The following LSAMP variants were observed in gnomAD, a reference collection of about 807,000 sequenced individuals.
The protein encoded by LSAMP is limbic system associated membrane protein.
LSAMP carries 7 observed loss-of-function variants against 38.6 expected under a neutral mutation model. The ratio of observed to expected loss-of-function variants is 0.18; its 90% CI spans 0.10 to 0.34. The LOEUF (loss-of-function observed/expected upper bound fraction) is 0.34. Ranked by LOEUF, LSAMP falls within the 10% of genes least tolerant of loss-of-function variation. The pLI, the probability that LSAMP is intolerant of heterozygous loss-of-function variation, is 1.00. For missense variants in LSAMP, 313 were observed against 420.0 expected, an observed-to-expected ratio of 0.75 and a Z score of 2.23; for synonymous variants, 154 against 166.8, an observed-to-expected ratio of 0.92 and a Z score of 0.59.
intron 1 of LSAMP, among the ~76,000 whole-genome samples, chr3:116,368,586 T>G (rs2107788373): frequency 6.6e-6 from 1 of 152,326 alleles, no homozygotes; most frequent in Middle Eastern, 3.4e-3. Flanking sequence ...TTGCTCTGAA[T>G]CTACTTCGTA....
intron 1 of LSAMP, among the ~76,000 whole-genome samples, chr3:116,154,654 A>G (rs927801528): frequency 2.0e-5 from 3 of 152,016 alleles, no homozygotes; most frequent in Non-Finnish European, 2.9e-5. Context: ...CAGCTTTTCA[A>G]GCACACCTTG....
chr3:116,064,778 G>T (rs1402636300), intron 2 of LSAMP, among the ~76,000 whole-genome samples: 5 of 152,028 alleles, frequency 3.3e-5, no homozygotes, highest in African/African-American at 4.8e-5. Context: ...ATTCTTTATA[G>T]AAAAGGAAAC....
At chr3:116,428,171 T>C (rs768116340) in intron 1 of LSAMP, among the ~76,000 whole-genome samples, 8 of 152,204 alleles carry the variant, frequency 5.3e-5, no homozygotes, top group Non-Finnish European at 1.0e-4. Context: ...TATCATTACC[T>C]GGTCTAGAAT....
At chr3:116,151,838 C>CA in intron 1 of LSAMP, among the ~76,000 whole-genome samples, 1 of 152,056 alleles carries the variant, frequency 6.6e-6, no homozygotes, top group Non-Finnish European at 1.5e-5. Flanking sequence ...ACTTGCTTCT[C>CA]AATACACGAA....
intron 3 of LSAMP, among the ~76,000 whole-genome samples, chr3:115,938,684 C>A (rs1157486960): frequency 6.6e-6 from 1 of 152,068 alleles, no homozygotes; most frequent in African/African-American, 2.4e-5. Flanking sequence ...GCATAATGCA[C>A]ACAAATTAAA....
At chr3:116,209,794 C>T (rs1701386504) in intron 1 of LSAMP, among the ~76,000 whole-genome samples, 1 of 152,100 alleles carries the variant, frequency 6.6e-6, no homozygotes, top group Non-Finnish European at 1.5e-5. Context: ...CTCTGTCCCC[C>T]AGGCTGGAGC....
At chr3:116,409,258 C>T (rs2048940274) in intron 1 of LSAMP, among the ~76,000 whole-genome samples, 1 of 151,950 alleles carries the variant, frequency 6.6e-6, no homozygotes, top group South Asian at 2.1e-4. Context: ...GTTTCCAGCC[C>T]AAATTTGGCA....
intron 1 of LSAMP, among the ~76,000 whole-genome samples, chr3:116,257,790 A>G (rs1238417422): frequency 6.6e-6 from 1 of 152,184 alleles, no homozygotes; most frequent in Admixed American, 6.5e-5. Context: ...TGGGTGCTCC[A>G]TATAAATACC....
At chr3:116,417,092 AT>A in intron 1 of LSAMP, among the ~76,000 whole-genome samples, 1 of 152,134 alleles carries the variant, frequency 6.6e-6, no homozygotes, top group Non-Finnish European at 1.5e-5. Context: ...AATCTCCCAC[AT>A]TTTTCTCCAT....
chr3:115,822,799 C>G (rs558442497), intron 6 of LSAMP, among the ~76,000 whole-genome samples: 1 of 152,276 alleles, frequency 6.6e-6, no homozygotes, highest in Admixed American at 6.5e-5. Flanking sequence ...TAGATTTGGG[C>G]CAGCAAGGAA....
At chr3:115,973,046 T>A (rs1576272290) in intron 3 of LSAMP, among the ~76,000 whole-genome samples, 1 of 152,048 alleles carries the variant, frequency 6.6e-6, no homozygotes, top group Non-Finnish European at 1.5e-5. Context: ...GTAGTTTAAA[T>A]GCGGTATTGG....
At chr3:116,360,135 C>A (rs1465988770) in intron 1 of LSAMP, 1 of 146,328 alleles carries the variant, frequency 6.8e-6, no homozygotes, top group South Asian at 2.3e-4. Context: ...ACAGTGGGCG[C>A]AGGCCAGTGT....
chr3:116,411,222 G>A (rs894080932), intron 1 of LSAMP, among the ~76,000 whole-genome samples: 1 of 152,046 alleles, frequency 6.6e-6, no homozygotes, highest in African/African-American at 2.4e-5. Flanking sequence ...GTATGGCGAT[G>A]CCTCAGGGAT....
At chr3:116,109,762 G>A (rs1354152936) in intron 1 of LSAMP, among the ~76,000 whole-genome samples, 2 of 151,946 alleles carry the variant, frequency 1.3e-5, no homozygotes, top group African/African-American at 2.4e-5. Context: ...AGGAGGAATG[G>A]AGGGTGGAAG....
At chr3:116,092,347 A>G (rs375448097) in intron 1 of LSAMP, among the ~76,000 whole-genome samples, 7 of 152,162 alleles carry the variant, frequency 4.6e-5, no homozygotes, top group African/African-American at 1.7e-4. Flanking sequence ...TGTGTCCACT[A>G]TGAAGAAATA....
intron 1 of LSAMP, among the ~76,000 whole-genome samples, chr3:116,407,981 A>G (rs2048920215): frequency 1.3e-5 from 2 of 152,086 alleles, no homozygotes. Context: ...AAGGTACATC[A>G]GAGCCTAATG....
intron 1 of LSAMP, among the ~76,000 whole-genome samples, chr3:116,299,665 T>C (rs1276934311): frequency 2.0e-5 from 3 of 152,166 alleles, no homozygotes; most frequent in Non-Finnish European, 4.4e-5. Context: ...TTAGACCACA[T>C]CAGCACTGGA....
chr3:116,011,104 T>G (rs997590391), intron 3 of LSAMP, among the ~76,000 whole-genome samples: 4 of 151,998 alleles, frequency 2.6e-5, no homozygotes, highest in Admixed American at 2.0e-4. Context: ...CCTGGGTTCA[T>G]GCCATCCTCT....
chr3:116,190,611 G>T (rs192941886), intron 1 of LSAMP, among the ~76,000 whole-genome samples: 2 of 152,270 alleles, frequency 1.3e-5, no homozygotes, highest in African/African-American at 4.8e-5. Flanking sequence ...AGTAAAAAGT[G>T]TATGCATCAT....
Sources: gnomAD v4.1 joint callset for allele counts (sites outside exome capture counted in the v4.1 genomes callset) on GRCh38, gnomAD v4.1.1 for gene constraint, MANE v1.5 for transcripts, NCBI Gene and HGNC (gene_info 2026-07-23, HGNC 2026-07-21) for gene names.